CPNE8: variants seen among roughly 807,000 people sequenced by gnomAD.
The protein encoded by CPNE8 is copine 8.
Under a neutral mutation model 81.5 loss-of-function variants are expected in CPNE8, and 45 were observed. That is an observed-to-expected ratio of 0.55 (90% CI 0.44 to 0.71). The LOEUF (loss-of-function observed/expected upper bound fraction) is 0.71. Among genes scored for constraint, CPNE8 ranks in the 30% least tolerant of loss-of-function variants. The pLI is 0.00. For missense variants in CPNE8, 594 were observed against 672.1 expected (o/e 0.88, Z 1.28); for synonymous variants, 252 against 226.3 (o/e 1.11, Z -1.02).
intron 4 of CPNE8, among the ~76,000 whole-genome samples, chr12:38,847,683 G>A (rs1316097681): frequency 1.3e-5 from 2 of 152,052 alleles, no homozygotes; most frequent in Admixed American, 1.3e-4. Context: ...GCATATTTTA[G>A]AGGAAAATGA....
At chr12:38,776,540 C>T (rs1369587687) in intron 6 of CPNE8, among the ~76,000 whole-genome samples, 1 of 151,766 alleles carries the variant, frequency 6.6e-6, no homozygotes, top group Non-Finnish European at 1.5e-5. Flanking sequence ...AAACTCCTGA[C>T]CTCCAGTGAT....
chr12:38,783,027 G>C (rs1369095606), intron 6 of CPNE8, among the ~76,000 whole-genome samples: 4 of 152,030 alleles, frequency 2.6e-5, no homozygotes, highest in Admixed American at 2.0e-4. Flanking sequence ...AGAAAAGAAA[G>C]TTACCAAAAA....
At chr12:38,757,356 G>C (rs1941482260) in intron 10 of CPNE8, among the ~76,000 whole-genome samples, 1 of 151,580 alleles carries the variant, frequency 6.6e-6, no homozygotes, top group African/African-American at 2.4e-5. Flanking sequence ...AATTTTGTCA[G>C]ATTAAAAAAA....
At chr12:38,683,203 A>G (rs1274953352) in intron 16 of CPNE8, among the ~76,000 whole-genome samples, 1 of 152,202 alleles carries the variant, frequency 6.6e-6, no homozygotes, top group Non-Finnish European at 1.5e-5. Flanking sequence ...AAGAGTAAGC[A>G]TTCTTTAAAA....
At chr12:38,826,908 G>A (rs544593992) in intron 6 of CPNE8, among the ~76,000 whole-genome samples, 7 of 151,040 alleles carry the variant, frequency 4.6e-5, no homozygotes, top group Admixed American at 2.6e-4. Flanking sequence ...AGTGGCTCAC[G>A]CCTGTAATCC....
chr12:38,706,664 A>T (rs1259737071), intron 13 of CPNE8, among the ~76,000 whole-genome samples: 1 of 152,210 alleles, frequency 6.6e-6, no homozygotes, highest in Non-Finnish European at 1.5e-5. Context: ...TATAAAGATC[A>T]ATTTAGAAGT....
intron 7 of CPNE8, among the ~76,000 whole-genome samples, chr12:38,774,362 C>T (rs1410814263): frequency 6.6e-6 from 1 of 151,984 alleles, no homozygotes; most frequent in Non-Finnish European, 1.5e-5. Flanking sequence ...TTTCTTTCCT[C>T]CTTTATCATA....
chr12:38,782,987 G>A (rs1015871162), intron 6 of CPNE8, among the ~76,000 whole-genome samples: 5 of 151,990 alleles, frequency 3.3e-5, no homozygotes, highest in South Asian at 2.1e-4. Context: ...GACTACTCTC[G>A]CAACTTTTAC....
At chr12:38,677,414 T>C (rs1452212388) in intron 17 of CPNE8, 38 bp downstream of exon 17, 2 of 1,076,276 alleles carry the variant, frequency 1.9e-6, no homozygotes, top group South Asian at 1.3e-5. Context: ...CACCATGTTG[T>C]CACGTAGCGA....
intron 6 of CPNE8, among the ~76,000 whole-genome samples, chr12:38,781,094 T>C (rs141222680): frequency 4.9e-4 from 74 of 152,102 alleles, no homozygotes; most frequent in African/African-American, 1.3e-3. Flanking sequence ...GCTGAAAAAA[T>C]AGAATTTCAT....
chr12:38,683,949 A>G (rs1223433186), intron 16 of CPNE8, among the ~76,000 whole-genome samples: 1 of 152,104 alleles, frequency 6.6e-6, no homozygotes. Context: ...TAGATATTTT[A>G]TATCTATCAC....
At chr12:38,902,270 A>AAAAG (rs58388139) in intron 1 of CPNE8, among the ~76,000 whole-genome samples, 105,148 of 117,422 alleles carry the variant, frequency 0.9, 47,343 homozygotes, top group Non-Finnish European at 0.92. Context: ...GAAAGAAAGA[A>AAAAG]AAAGAAAAGA....
chr12:38,828,936 A>G (rs975279547), intron 6 of CPNE8, among the ~76,000 whole-genome samples: 1 of 152,194 alleles, frequency 6.6e-6, no homozygotes, highest in Admixed American at 6.5e-5. Context: ...ACCTTCTCCC[A>G]ATATTTACCT....
chr12:38,719,584 G>GAAAAAAAA (rs34008352), intron 13 of CPNE8, among the ~76,000 whole-genome samples: 3 of 124,182 alleles, frequency 2.4e-5, no homozygotes, highest in Admixed American at 8.3e-5. Flanking sequence ...ATTGTCTCAG[G>GAAAAAAAA]AAAAAAAAAA....
chr12:38,777,622 A>G (rs1941963025), intron 6 of CPNE8, among the ~76,000 whole-genome samples: 2 of 152,162 alleles, frequency 1.3e-5, no homozygotes, highest in African/African-American at 4.8e-5. Flanking sequence ...TAAGTACCCT[A>G]CACAGGTATA....
chr12:38,673,462 A>G, intron 18 of CPNE8, among the ~76,000 whole-genome samples: 1 of 152,170 alleles, frequency 6.6e-6, no homozygotes, highest in African/African-American at 2.4e-5. Context: ...ATTTTTCTAT[A>G]TTAAACATGA....
rs751618441 is a variant in CPNE8 at position 38,663,083 on chromosome 12, A to C, written c.1506+7646T>G. ...ATGCATCAGGACATGAGTAGGCAAA[A>C]ATTGTATGAATAAGGCCTCCAAACT... On this transcript the variant is annotated intron_variant, in intron 19 of 19. Transcript: ENST00000331366. 1.2e-4 allele frequency among the ~76,000 whole-genome samples: 18 copies of C among 152,082 alleles called. 1 individual carries two copies. Among genetic ancestry groups the C allele is most frequent in the Admixed American group, 2.6e-4 (4 of 15,254 alleles).
At chr12:38,880,298 A>G in intron 1 of CPNE8, among the ~76,000 whole-genome samples, 1 of 152,198 alleles carries the variant, frequency 6.6e-6, no homozygotes, top group East Asian at 1.9e-4. Flanking sequence ...TAGCCTGCAA[A>G]GTCTTTACCA....
In CPNE8 at chr12:38,807,283, C is replaced by T. The variant is rs1337266820; in HGVS notation, c.407+22096G>A. 1.1e-4 allele frequency among the ~76,000 whole-genome samples: 16 copies of T among 146,952 alleles called. No individual in the cohort carries two copies. In the East Asian group the frequency reaches 1.6e-3, roughly 15 times the overall value. ...GTTCATATGGAACCAAAAAAGAGCC[C>T]GCATCGCCAAGTCAATCCTAAGCCA... On this transcript the variant is annotated intron_variant, in intron 6 of 19. Coordinates refer to ENST00000331366, the MANE Select transcript of CPNE8 (RefSeq NM_153634.3).
Sources: gnomAD v4.1 joint callset for allele counts (sites outside exome capture counted in the v4.1 genomes callset) on GRCh38, gnomAD v4.1.1 for gene constraint, MANE v1.5 for transcripts, NCBI Gene and HGNC (gene_info 2026-07-23, HGNC 2026-07-21) for gene names.